Variants in SUGCT observed in about 807,000 individuals in gnomAD.
SUGCT encodes succinyl-CoA:glutarate CoA-transferase.
In SUGCT, 41 loss-of-function variants were observed where a neutral mutation model predicts 55.0. The observed-to-expected ratio is 0.74, with a 90% CI of 0.58 to 0.97. The LOEUF is 0.97. SUGCT is among the 50% of genes least tolerant of loss of function. The pLI is 0.00. For missense variants in SUGCT, 568 were observed against 547.8 expected (o/e 1.04, Z -0.37); for synonymous variants, 187 against 200.4 (o/e 0.93, Z 0.56).
chr7:40,536,845 A>G (rs544166651), intron 12 of SUGCT, among the ~76,000 whole-genome samples: 2 of 152,328 alleles, frequency 1.3e-5, no homozygotes, highest in South Asian at 4.1e-4. Flanking sequence ...GTGCTACAGA[A>G]TCATCTTGTT....
chr7:41,018,901 A>G, the SUGCT span, among the ~76,000 whole-genome samples: 1 of 151,162 alleles, frequency 6.6e-6, no homozygotes, highest in Non-Finnish European at 1.5e-5. Flanking sequence ...ATGATGACTA[A>G]TATATTCTTT....
chr7:40,139,837 TTTC>T (rs1310460898), intron 1 of SUGCT, among the ~76,000 whole-genome samples: 1 of 152,168 alleles, frequency 6.6e-6, no homozygotes, highest in African/African-American at 2.4e-5. Flanking sequence ...TCCCCTAGGT[TTTC>T]TTCAGTATTT....
chr7:40,426,601 C>T (rs4379368), intron 9 of SUGCT, among the ~76,000 whole-genome samples: 19,012 of 152,026 alleles, frequency 0.13, 1,590 homozygotes, highest in East Asian at 0.48. Flanking sequence ...TTTACATCAC[C>T]GAAGGTGTTT....
chr7:40,887,730 G>A, the SUGCT span, among the ~76,000 whole-genome samples: 1 of 152,114 alleles, frequency 6.6e-6, no homozygotes. Context: ...AAGGTGGGAG[G>A]GCTGAGCTTC....
At chr7:40,869,819 C>A in the SUGCT span, among the ~76,000 whole-genome samples, 1 of 151,974 alleles carries the variant, frequency 6.6e-6, no homozygotes, top group East Asian at 1.9e-4. Context: ...TGTAGAATGT[C>A]CATTAATTTG....
In SUGCT at chr7:40,683,906, C is replaced by A. The variant is rs534594837; in HGVS notation, c.1090-65528C>A. ...GGTCAGAAGTCTCACATAGGTCTCA[C>A]CAGGCTAAAATCAAGGTGCTGGCAG... On this transcript the variant is annotated intron_variant, in intron 12 of 13. Coordinates refer to ENST00000335693, the MANE Select transcript of SUGCT (RefSeq NM_001193313.2). 6.0e-4 allele frequency: 674 copies of A among 1,127,018 alleles called. 11 individuals carry two copies. The South Asian group carries it at 0.01, about 17-fold the overall frequency. The allele number at this position is 1,127,018 out of a possible 1,614,324, so 69.8% of individuals were successfully genotyped here. A position where few individuals can be genotyped will look rare whatever the true frequency, so the allele number is the denominator to read the frequency against.
intron 6 of SUGCT, among the ~76,000 whole-genome samples, chr7:40,206,638 T>A (rs1334833475): frequency 6.6e-6 from 1 of 152,232 alleles, no homozygotes; most frequent in African/African-American, 2.4e-5. Context: ...GAATCTCTGA[T>A]ATGATAGGCA....
At chr7:40,683,941 T>C (rs1004997717) in intron 12 of SUGCT, 9 of 1,467,842 alleles carry the variant, frequency 6.1e-6, no homozygotes, top group Non-Finnish European at 7.3e-6. Flanking sequence ...GATGTATTCC[T>C]TTCTGGAGGT....
At chr7:40,824,232 C>G (rs1792188059) in intron 13 of SUGCT, among the ~76,000 whole-genome samples, 2 of 151,146 alleles carry the variant, frequency 1.3e-5, no homozygotes, top group East Asian at 3.9e-4. Context: ...AAAAACAAAA[C>G]TCATTAAGGA....
chr7:40,799,157 TCCATGA>T (rs1169260808), intron 13 of SUGCT, among the ~76,000 whole-genome samples: 5 of 152,168 alleles, frequency 3.3e-5, no homozygotes, highest in African/African-American at 1.2e-4. Flanking sequence ...AGCTACCTCT[TCCATGA>T]AGAGATCCTG....
intron 12 of SUGCT, among the ~76,000 whole-genome samples, chr7:40,638,201 C>G (rs2151820058): frequency 6.6e-6 from 1 of 152,322 alleles, no homozygotes. Context: ...GGTTTGTAAA[C>G]ACAGTGCCTT....
chr7:40,300,644 G>A (rs542971142), intron 8 of SUGCT, among the ~76,000 whole-genome samples: 1 of 152,290 alleles, frequency 6.6e-6, no homozygotes, highest in South Asian at 2.1e-4. Flanking sequence ...TGTCATCAAA[G>A]GCTGATTGTG....
At chr7:40,274,448 G>T (rs1792325234) in intron 7 of SUGCT, 65 bp from the exon 8 acceptor site, 1 of 1,530,590 alleles carries the variant, frequency 6.5e-7, no homozygotes, top group Non-Finnish European at 8.9e-7. Flanking sequence ...TAGAAGATTT[G>T]AGAAATCATA....
chr7:40,260,767 T>A (rs1439827209), intron 7 of SUGCT, among the ~76,000 whole-genome samples: 1 of 152,162 alleles, frequency 6.6e-6, no homozygotes, highest in Non-Finnish European at 1.5e-5. Context: ...TTCTCATGCC[T>A]CAGCCTCCCG....
chr7:40,475,787 A>G (rs539492640), intron 11 of SUGCT, among the ~76,000 whole-genome samples: 1 of 152,320 alleles, frequency 6.6e-6, no homozygotes, highest in Admixed American at 6.5e-5. Flanking sequence ...AGCACCTAAC[A>G]GTGTCAGAGC....
chr7:40,677,509 C>T (rs1784058105), intron 12 of SUGCT, among the ~76,000 whole-genome samples: 1 of 152,190 alleles, frequency 6.6e-6, no homozygotes, highest in African/African-American at 2.4e-5. Flanking sequence ...ATAGCTACCT[C>T]AACCCCAGAC....
intron 12 of SUGCT, among the ~76,000 whole-genome samples, chr7:40,509,882 A>G (rs1479195430): frequency 1.3e-5 from 2 of 152,152 alleles, no homozygotes; most frequent in African/African-American, 4.8e-5. Flanking sequence ...AGTGGGAGAG[A>G]TGGTGTAGAG....
chr7:40,924,599 C>T, the SUGCT span, among the ~76,000 whole-genome samples: 1 of 152,128 alleles, frequency 6.6e-6, no homozygotes, highest in African/African-American at 2.4e-5. Flanking sequence ...CCAGGACTGG[C>T]TTGGATGATT....
chr7:40,549,537 C>G lies in SUGCT; in HGVS notation c.1089+53151C>G, dbSNP rs143114716. Reference sequence around the variant, plus strand: ...GTGTGAACATTGGACACACACAACTCTCTAGTATGTCAGTTTTCAGTGGTG... The same window carrying G: ...GTGTGAACATTGGACACACACAACTGTCTAGTATGTCAGTTTTCAGTGGTG... On this transcript the variant is annotated intron_variant, in intron 12 of 13. Transcript: ENST00000335693. 1.8e-3 allele frequency among the ~76,000 whole-genome samples: 279 copies of G among 152,190 alleles called. 2 individuals carry two copies. In the East Asian group the frequency reaches 0.036, roughly 20 times the overall value.
Sources: gnomAD v4.1 joint callset for allele counts (sites outside exome capture counted in the v4.1 genomes callset) on GRCh38, gnomAD v4.1.1 for gene constraint, MANE v1.5 for transcripts, NCBI Gene and HGNC (gene_info 2026-07-23, HGNC 2026-07-21) for gene names.